FAM193B: variants seen among roughly 807,000 people sequenced by gnomAD.
FAM193B encodes protein FAM193B.
FAM193B carries 27 observed loss-of-function variants against 70.7 expected under a neutral mutation model. That is an observed-to-expected ratio of 0.38 (90% CI 0.28 to 0.53). FAM193B has a LOEUF of 0.53. Ranked by LOEUF, FAM193B falls within the 20% of genes least tolerant of loss-of-function variation. The pLI, the probability that FAM193B is intolerant of heterozygous loss-of-function variation, is 0.81. For synonymous variants in FAM193B, 448 were observed against 436.0 expected (o/e 1.03, Z -0.34); for missense variants, 1,022 against 1,072.5 (o/e 0.95, Z 0.66).
chr5:177,532,430 C>G lies in FAM193B; in HGVS notation c.1275+13G>C, dbSNP rs1167006871. 1.2e-6 allele frequency: 2 copies of G among 1,605,696 alleles called. No individual in the cohort carries two copies. The highest frequency in any genetic ancestry group is 4.5e-5 in the East Asian group (2 of 44,674). ...GGCCCCCAGCCCTCTCTAGCCTGGG[C>G]AGGCTCACTCACCGCATTGTGGCCG... On this transcript the variant is annotated intron_variant, in intron 5 of 8. Coordinates refer to ENST00000514747, the MANE Select transcript of FAM193B (RefSeq NM_001190946.3). This position sits in a 1 kb window ranked among gnomAD's most constrained non-coding sequence, Gnocchi z 4.9.
At chr5:177,535,921 ATT>A (rs34923745) in intron 4 of FAM193B, among the ~76,000 whole-genome samples, 1,569 of 143,666 alleles carry the variant, frequency 0.011, 10 homozygotes, top group Non-Finnish European at 0.012. Flanking sequence ...CCCACATACT[ATT>A]TTTTTTTTTT....
Position 177,536,589 on chromosome 5 carries a change from G to A in FAM193B, c.845C>T (p.Pro282Leu), listed in dbSNP as rs368465178. The A allele has an allele frequency of 8.8e-5, 136 of 1,547,474 alleles. 1 individual carries two copies. The South Asian group carries it at 9.6e-4, about 11-fold the overall frequency. Residue 282 changes from proline (P) to leucine (L), a missense_variant, in exon 4 of 9, where the codon CCG becomes CTG. Physicochemically the swap from Pro to Leu is moderately conservative, Grantham distance 98 (BLOSUM62 -3). Coordinates refer to ENST00000514747, the MANE Select transcript of FAM193B (RefSeq NM_001190946.3). ...PPHPHLLPTTPAAPFPAQASE... is the reference protein window; with the variant it reads ...PPHPHLLPTTLAAPFPAQASE... ...AGCCTGGGCAGGGAAAGGTGCTGCC[G>A]GGGTGGTGGGCAGCAGGTGTGGGTG...
At chr5:177,523,113 C>T (rs1762024043) in intron 7 of FAM193B, 2 of 227,380 alleles carry the variant, frequency 8.8e-6, no homozygotes, top group Non-Finnish European at 1.9e-5. Context: ...GATTCTCCTG[C>T]CTCAGCCTCC....
chr5:177,522,304 C>T, intron 7 of FAM193B: 1 of 483,370 alleles, frequency 2.1e-6, no homozygotes, highest in Non-Finnish European at 3.8e-6. Context: ...GATTCCAGTT[C>T]CTCCTCATCT....
Position 177,539,069 on chromosome 5 carries a change from G to A in FAM193B, c.289C>T (p.Pro97Ser), listed in dbSNP as rs1764534146. 1.9e-6 allele frequency: 3 copies of A among 1,613,524 alleles called. No individual in the cohort carries two copies. The highest frequency in any genetic ancestry group is 1.7e-5 in the Admixed American group (1 of 59,946). Residue 97 changes from proline to serine, a missense_variant, in exon 2 of 9, where the codon CCT (proline) becomes TCT (serine). Coordinates refer to ENST00000514747, the MANE Select transcript of FAM193B (RefSeq NM_001190946.3). ...TGCAACACCAGTCCATTTTGAGAAG[G>A]GCCTTCTTCCCAGCCTTTGCGTTCC... ...HRERKGWEEG[P>S]SQNGLVLQGE...
intron 7 of FAM193B, 73 bp from the exon 8 acceptor site, chr5:177,522,144 C>T: frequency 8.4e-7 from 1 of 1,189,308 alleles, no homozygotes; most frequent in Non-Finnish European, 1.2e-6. Context: ...TCCTAAGGTA[C>T]CATGTCCCCA....
At chr5:177,533,598 GC>G (rs1763807977) in intron 4 of FAM193B, among the ~76,000 whole-genome samples, 1 of 152,138 alleles carries the variant, frequency 6.6e-6, no homozygotes, top group African/African-American at 2.4e-5. Context: ...GAGCCACTGC[GC>G]CCGGCCTTGG....
intron 5 of FAM193B, among the ~76,000 whole-genome samples, chr5:177,528,825 G>C (rs368632225): frequency 4.6e-5 from 7 of 152,326 alleles, no homozygotes; most frequent in African/African-American, 1.4e-4. Flanking sequence ...CGGGAACTCG[G>C]CAATCGGGAG....
chr5:177,549,395 G>T (rs373395372), intron 1 of FAM193B, among the ~76,000 whole-genome samples: 1 of 151,804 alleles, frequency 6.6e-6, no homozygotes, highest in African/African-American at 2.4e-5. Flanking sequence ...GGGTTTCACC[G>T]TGTTAGCCAG....
intron 4 of FAM193B, among the ~76,000 whole-genome samples, chr5:177,533,374 G>A (rs554417207): frequency 2.7e-5 from 4 of 150,754 alleles, no homozygotes; most frequent in South Asian, 4.2e-4. Context: ...GCATGATCTC[G>A]GCTCACTGCA....
At chr5:177,553,772 A>G (rs1766635224) in intron 1 of FAM193B, 1 of 1,287,510 alleles carries the variant, frequency 7.8e-7, no homozygotes, top group Non-Finnish European at 1.0e-6. Flanking sequence ...GCCAGGAGAC[A>G]CAGCTGCTGA....
Position 177,532,313 on chromosome 5 carries a change from G to C in FAM193B, c.1275+130C>G. The C allele has an allele frequency of 6.7e-7, 1 of 1,488,510 alleles. No homozygotes were observed. The highest frequency in any genetic ancestry group is 8.9e-7 in the Non-Finnish European group (1 of 1,119,614). 92.2% of individuals were successfully genotyped at this position (1,488,510 alleles called of 1,614,324 possible). A position where few individuals can be genotyped will look rare whatever the true frequency, so the allele number is the denominator to read the frequency against. Reference sequence around the variant, plus strand: ...GTGAGGATCAAGCGAGCAGACGCAGGTGCAAGGACTCACGGCCCCAGCACG... The same window carrying C: ...GTGAGGATCAAGCGAGCAGACGCAGCTGCAAGGACTCACGGCCCCAGCACG... On this transcript the variant is annotated intron_variant, in intron 5 of 8. Coordinates refer to ENST00000514747, the MANE Select transcript of FAM193B (RefSeq NM_001190946.3). The surrounding 1 kb of genome is among the most constrained non-coding windows in gnomAD (Gnocchi z 4.9).
chr5:177,532,000 G>C (rs762271868), intron 5 of FAM193B: 3 of 1,290,750 alleles, frequency 2.3e-6, no homozygotes, highest in Non-Finnish European at 3.0e-6. Context: ...GAGCCAGCAT[G>C]CCCTCTGATC....
At chr5:177,547,289 T>TTTTTTTC (rs1361326797) in intron 1 of FAM193B, 1 of 116,664 alleles carries the variant, frequency 8.6e-6, no homozygotes, top group African/African-American at 3.4e-5. Flanking sequence ...TTTATTTCTT[T>TTTTTTTC]TTTTTTTTTT....
chr5:177,527,259 G>C (rs985228108), intron 5 of FAM193B, among the ~76,000 whole-genome samples: 8 of 152,210 alleles, frequency 5.3e-5, no homozygotes, highest in Non-Finnish European at 1.2e-4. Context: ...GTGGGGGTTG[G>C]GTGGGGCAGG....
intron 5 of FAM193B, chr5:177,531,950 C>T: frequency 7.9e-7 from 1 of 1,270,848 alleles, no homozygotes; most frequent in Non-Finnish European, 1.0e-6. Flanking sequence ...CTCTCCTCTT[C>T]ACCTTATGAG....
chr5:177,553,506 T>A, intron 1 of FAM193B: 1 of 1,125,586 alleles, frequency 8.9e-7, no homozygotes, highest in South Asian at 1.9e-5. Context: ...CCTCCCGTTA[T>A]CTCCTTTGCT....
rs1766769735 is a variant in FAM193B at position 177,554,375 on chromosome 5, C to G, written c.84G>C (p.Ala28=). Residue 28 remains alanine (A), a synonymous_variant, in exon 1 of 9, where the codon GCG becomes GCC. Transcript: ENST00000514747. ...ARAAGPQKPQ[A]PEPPPPPSLE... is the part of the protein sequence containing the mutation. ...GGCTTGGCGGCGGCGGGGGCTCGGGCGCCTGGGGCTTCTGCGGCCCCGCGG... is the reference window on the plus strand; with the variant it reads ...GGCTTGGCGGCGGCGGGGGCTCGGGGGCCTGGGGCTTCTGCGGCCCCGCGG... 8.3e-7 allele frequency: 1 copy of G among 1,206,460 alleles called. No individual in the cohort carries two copies. The highest frequency in any genetic ancestry group is 4.4e-5 in the Admixed American group (1 of 22,492). The allele number at this position is 1,206,460 out of a possible 1,614,324, so 74.7% of individuals were successfully genotyped here. A position where few individuals can be genotyped will look rare whatever the true frequency, so the allele number is the denominator to read the frequency against.
chr5:177,538,809 G>T lies in FAM193B; in HGVS notation c.453+96C>A. 6.7e-7 allele frequency: 1 copy of T among 1,501,272 alleles called. No homozygotes were observed. The highest frequency in any genetic ancestry group is 9.1e-7 in the Non-Finnish European group (1 of 1,100,236). 93.0% of individuals were successfully genotyped at this position (1,501,272 alleles called of 1,614,324 possible). ...AGTCTCTCAGTGCCTGGGCATGGGA[G>T]CTGCCCAAGGAGAGCCACCTGAGGA... On this transcript the variant is annotated intron_variant, in intron 2 of 8. Coordinates refer to ENST00000514747, the MANE Select transcript of FAM193B (RefSeq NM_001190946.3). The surrounding 1 kb of genome is among the most constrained non-coding windows in gnomAD (Gnocchi z 4.1).
Sources: gnomAD v4.1 joint callset for allele counts (sites outside exome capture counted in the v4.1 genomes callset) on GRCh38, gnomAD v4.1.1 for gene constraint, Gnocchi (gnomAD v3.1) non-coding constraint, MANE v1.5 for transcripts, NCBI Gene and HGNC (gene_info 2026-07-23, HGNC 2026-07-21) for gene names.